Variants in PLA2R1 observed in about 807,000 individuals in gnomAD.
PLA2R1 encodes the protein secretory phospholipase A2 receptor.
A neutral mutation model predicts 195.9 loss-of-function variants in PLA2R1; 158 were observed. The observed-to-expected ratio is 0.81, with a 90% CI of 0.71 to 0.92. PLA2R1 has a LOEUF of 0.92. Ranked by LOEUF, PLA2R1 falls within the 40% of genes least tolerant of loss-of-function variation. The pLI is 0.00. For synonymous variants in PLA2R1, 586 were observed against 598.2 expected (o/e 0.98, Z 0.30); for missense variants, 1,626 against 1,764.6 (o/e 0.92, Z 1.41).
chr2:160,011,317 C>A (rs189207633), intron 10 of PLA2R1, among the ~76,000 whole-genome samples: 155 of 152,324 alleles, frequency 1.0e-3, no homozygotes, highest in African/African-American at 3.7e-3. Flanking sequence ...TGCTATTCTA[C>A]CTTCTTCACT....
chr2:159,955,108 G>A, intron 23 of PLA2R1, 91 bp downstream of exon 23: 1 of 915,072 alleles, frequency 1.1e-6, no homozygotes, highest in Non-Finnish European at 1.7e-6. Context: ...GAAACTGTTA[G>A]CTACATTAGC....
At chr2:160,019,990 C>T in intron 8 of PLA2R1, 116 bp downstream of exon 8, 1 of 635,198 alleles carries the variant, frequency 1.6e-6, no homozygotes. Flanking sequence ...CATGGAAGGC[C>T]CATGAGGAAC....
chr2:159,945,836 G>A, intron 27 of PLA2R1: 1 of 958,888 alleles, frequency 1.0e-6, no homozygotes, highest in Non-Finnish European at 1.2e-6. Flanking sequence ...CTTTATTTTA[G>A]GTACAGTGTT....
At chr2:160,050,828 T>C (rs1011325382) in intron 1 of PLA2R1, among the ~76,000 whole-genome samples, 3 of 152,154 alleles carry the variant, frequency 2.0e-5, no homozygotes, top group Admixed American at 6.5e-5. Flanking sequence ...CTGGGGCCAT[T>C]ATTACAGTTT....
intron 20 of PLA2R1, among the ~76,000 whole-genome samples, chr2:159,962,505 A>C (rs1560151037): frequency 6.6e-6 from 1 of 152,206 alleles, no homozygotes; most frequent in Non-Finnish European, 1.5e-5. Flanking sequence ...AACTAGAAAT[A>C]CCATTTGACC....
chr2:159,954,404 C>A (rs902816298), intron 23 of PLA2R1, among the ~76,000 whole-genome samples: 1 of 151,708 alleles, frequency 6.6e-6, no homozygotes, highest in African/African-American at 2.4e-5. Flanking sequence ...TAACTGAGAA[C>A]CAGAAATGGA....
At chr2:159,973,852 G>T (rs1350644711) in intron 17 of PLA2R1, among the ~76,000 whole-genome samples, 1 of 152,056 alleles carries the variant, frequency 6.6e-6, no homozygotes, top group Non-Finnish European at 1.5e-5. Context: ...TAGGCCAGGT[G>T]ACAATTTTGC....
At chr2:159,985,759 T>A (rs1690281474) in intron 12 of PLA2R1, among the ~76,000 whole-genome samples, 1 of 152,122 alleles carries the variant, frequency 6.6e-6, no homozygotes, top group Non-Finnish European at 1.5e-5. Context: ...TCTACCTCCT[T>A]CACTTAGTGT....
At chr2:159,965,579 T>C (rs1410459359) in intron 20 of PLA2R1, among the ~76,000 whole-genome samples, 1 of 152,212 alleles carries the variant, frequency 6.6e-6, no homozygotes, top group African/African-American at 2.4e-5. Flanking sequence ...GTTTTGGCAA[T>C]TAAGAATAAA....
intron 2 of PLA2R1, among the ~76,000 whole-genome samples, chr2:160,043,675 T>G (rs1023552543): frequency 1.3e-5 from 2 of 152,128 alleles, no homozygotes; most frequent in African/African-American, 4.8e-5. Context: ...GCATGCACCA[T>G]GAGTGTGGGT....
intron 23 of PLA2R1, among the ~76,000 whole-genome samples, chr2:159,952,473 G>C (rs1038554687): frequency 1.3e-5 from 2 of 152,158 alleles, no homozygotes; most frequent in Non-Finnish European, 2.9e-5. Flanking sequence ...CAAAAACAAG[G>C]TAAGAGTTTT....
chr2:160,036,663 G>T (rs1466318533), intron 3 of PLA2R1, among the ~76,000 whole-genome samples: 1 of 152,190 alleles, frequency 6.6e-6, no homozygotes, highest in Non-Finnish European at 1.5e-5. Context: ...CTGAGGCTGG[G>T]ATGGAGTGGG....
intron 8 of PLA2R1, among the ~76,000 whole-genome samples, chr2:160,017,409 C>T (rs1471054827): frequency 2.6e-5 from 4 of 152,156 alleles, no homozygotes; most frequent in Non-Finnish European, 4.4e-5. Flanking sequence ...AGAGTGCTGA[C>T]GCCTCTCTTC....
chr2:159,953,275 G>A (rs2125934594), intron 23 of PLA2R1, among the ~76,000 whole-genome samples: 1 of 152,344 alleles, frequency 6.6e-6, no homozygotes, highest in East Asian at 1.9e-4. Flanking sequence ...CTAAACTGGG[G>A]AGTCTTGCTT....
chr2:159,978,148 T>C (rs1689702336), intron 14 of PLA2R1, among the ~76,000 whole-genome samples: 1 of 152,134 alleles, frequency 6.6e-6, no homozygotes, highest in Non-Finnish European at 1.5e-5. Flanking sequence ...GCTAAGTTTT[T>C]TGTCTCTAAT....
At chr2:159,929,280 G>A (rs1186595570), downstream of PLA2R1, among the ~76,000 whole-genome samples, 3 of 151,896 alleles carry the variant, frequency 2.0e-5, no homozygotes, top group African/African-American at 4.8e-5. Context: ...ATCCAGAATC[G>A]ACATGGAACT....
intron 3 of PLA2R1, among the ~76,000 whole-genome samples, chr2:160,037,523 GTAT>G (rs1694238011): frequency 6.6e-6 from 1 of 152,160 alleles, no homozygotes; most frequent in Non-Finnish European, 1.5e-5. Flanking sequence ...ACAGGTGGGC[GTAT>G]TTTATCACTG....
At chr2:159,984,781 C>A (rs888559694) in intron 12 of PLA2R1, among the ~76,000 whole-genome samples, 1 of 152,166 alleles carries the variant, frequency 6.6e-6, no homozygotes, top group African/African-American at 2.4e-5. Context: ...AGACCCAGAG[C>A]TTGCAATCCC....
chr2:160,034,453 G>A (rs1197196286), intron 3 of PLA2R1, among the ~76,000 whole-genome samples: 1 of 152,198 alleles, frequency 6.6e-6, no homozygotes, highest in Non-Finnish European at 1.5e-5. Flanking sequence ...TTTTGCCCAG[G>A]TGGCTGAAAT....
Sources: allele counts gnomAD v4.1 joint callset (sites outside exome capture counted in the v4.1 genomes callset), GRCh38; gene constraint gnomAD v4.1.1; transcripts MANE v1.5; gene names NCBI Gene and HGNC (gene_info 2026-07-23, HGNC 2026-07-21).